The following NOX4 variants were observed in gnomAD, a reference collection of about 807,000 sequenced individuals.
NOX4 encodes NADPH oxidase 4.
In NOX4, 69 loss-of-function variants were observed where a neutral mutation model predicts 87.6. That is an observed-to-expected ratio of 0.79 (90% confidence interval 0.65 to 0.96). NOX4 has a LOEUF of 0.96. NOX4 is among the 40% of genes least tolerant of loss of function. The pLI, the probability that NOX4 is intolerant of heterozygous loss-of-function variation, is 0.00. For missense variants in NOX4, 680 were observed against 681.5 expected (o/e 1.00, Z 0.02); for synonymous variants, 275 against 238.2 (o/e 1.15, Z -1.42).
the NOX4 span, among the ~76,000 whole-genome samples, chr11:89,561,137 C>T: frequency 6.6e-5 from 9 of 135,676 alleles, no homozygotes; most frequent in African/African-American, 2.2e-4. Flanking sequence ...CTCTAGGAAA[C>T]GAATACACCA....
intron 7 of NOX4, among the ~76,000 whole-genome samples, chr11:89,427,086 T>C (rs188767921): frequency 3.3e-5 from 5 of 152,316 alleles, no homozygotes; most frequent in Admixed American, 6.5e-5. Flanking sequence ...TTCTGCAGCC[T>C]GCACTGCTGA....
At chr11:89,395,236 C>T (rs1268083819) in intron 11 of NOX4, among the ~76,000 whole-genome samples, 2 of 152,132 alleles carry the variant, frequency 1.3e-5, no homozygotes, top group South Asian at 2.1e-4. Context: ...TTTTGATTTG[C>T]ATTTCTGTGA....
At chr11:89,494,042 A>C (rs1031384451), upstream of NOX4, among the ~76,000 whole-genome samples, 1 of 152,180 alleles carries the variant, frequency 6.6e-6, no homozygotes, top group Non-Finnish European at 1.5e-5. Context: ...GGCGTGAGCC[A>C]CCGTGCCTGG....
the NOX4 span, among the ~76,000 whole-genome samples, chr11:89,520,989 T>G: frequency 6.6e-6 from 1 of 151,992 alleles, no homozygotes; most frequent in Non-Finnish European, 1.5e-5. Flanking sequence ...AGTAAGGAAG[T>G]GAAAGATCAC....
At chr11:89,371,199 T>C (rs536926962) in intron 12 of NOX4, among the ~76,000 whole-genome samples, 10 of 152,086 alleles carry the variant, frequency 6.6e-5, no homozygotes, top group Admixed American at 1.3e-4. Flanking sequence ...TGAACTAAAG[T>C]GTCAGATAAT....
chr11:89,354,230 T>C (rs2134972718), intron 13 of NOX4, among the ~76,000 whole-genome samples: 1 of 152,318 alleles, frequency 6.6e-6, no homozygotes, highest in African/African-American at 2.4e-5. Flanking sequence ...TTCTTTAGCC[T>C]GTTGCACACT....
chr11:89,439,372 G>T (rs371317148), intron 6 of NOX4, among the ~76,000 whole-genome samples: 1 of 151,946 alleles, frequency 6.6e-6, no homozygotes, highest in African/African-American at 2.4e-5. Context: ...ACTAAATTGT[G>T]TTCCTAAAGA....
the NOX4 span, among the ~76,000 whole-genome samples, chr11:89,566,833 G>A: frequency 6.6e-6 from 1 of 152,146 alleles, no homozygotes; most frequent in African/African-American, 2.4e-5. Flanking sequence ...TCCTTGGAAG[G>A]AGTGAGTTAA....
At chr11:89,502,016 G>A (rs903578307), upstream of NOX4, among the ~76,000 whole-genome samples, 4 of 152,056 alleles carry the variant, frequency 2.6e-5, no homozygotes, top group African/African-American at 4.8e-5. Context: ...TGATGCCAGA[G>A]CACAAGGAGC....
At chr11:89,360,954 T>A (rs1198804578) in intron 12 of NOX4, among the ~76,000 whole-genome samples, 1 of 152,082 alleles carries the variant, frequency 6.6e-6, no homozygotes, top group Admixed American at 6.6e-5. Flanking sequence ...AAACAATAGA[T>A]GTTGGTATGG....
At chr11:89,370,940 C>T (rs868290108) in intron 12 of NOX4, among the ~76,000 whole-genome samples, 8 of 151,866 alleles carry the variant, frequency 5.3e-5, no homozygotes, top group Admixed American at 1.3e-4. Flanking sequence ...CTGTATGCTG[C>T]CAATGCAGAA....
At chr11:89,354,709 A>T (rs535857066) in intron 13 of NOX4, among the ~76,000 whole-genome samples, 2 of 152,320 alleles carry the variant, frequency 1.3e-5, no homozygotes, top group Admixed American at 6.5e-5. Context: ...AGATGCACAC[A>T]GCATGTTGTC....
At chr11:89,393,302 G>C (rs1941252272) in intron 11 of NOX4, among the ~76,000 whole-genome samples, 1 of 152,028 alleles carries the variant, frequency 6.6e-6, no homozygotes. Flanking sequence ...TCCTGATCTA[G>C]TGCAATAATC....
At chr11:89,480,939 C>T (rs892972852) in intron 2 of NOX4, among the ~76,000 whole-genome samples, 1 of 151,948 alleles carries the variant, frequency 6.6e-6, no homozygotes, top group Non-Finnish European at 1.5e-5. Flanking sequence ...ACTAAAATTC[C>T]ACCCAAGAAT....
chr11:89,506,239 G>GAA, the NOX4 span, among the ~76,000 whole-genome samples: 3 of 47,798 alleles, frequency 6.3e-5, no homozygotes, highest in Middle Eastern at 0.015. Flanking sequence ...GAAAGAAAGA[G>GAA]AGAGAGAGAA....
intron 12 of NOX4, among the ~76,000 whole-genome samples, chr11:89,360,893 G>A (rs577555969): frequency 6.6e-6 from 1 of 151,984 alleles, no homozygotes; most frequent in African/African-American, 2.4e-5. Flanking sequence ...TTAAAATCAC[G>A]ATGAGATGCT....
chr11:89,429,807 C>G (rs936065842), intron 7 of NOX4, among the ~76,000 whole-genome samples: 6 of 152,162 alleles, frequency 3.9e-5, no homozygotes, highest in African/African-American at 1.4e-4. Context: ...CCTTCTGAAA[C>G]TATTCCAATC....
At chr11:89,394,033 C>A (rs1250117807) in intron 11 of NOX4, among the ~76,000 whole-genome samples, 3 of 152,120 alleles carry the variant, frequency 2.0e-5, no homozygotes, top group Admixed American at 1.3e-4. Flanking sequence ...CATCTGTTAC[C>A]ATAATCACAT....
chr11:89,499,666 A>G (rs572750125), upstream of NOX4, among the ~76,000 whole-genome samples: 1 of 152,224 alleles, frequency 6.6e-6, no homozygotes, highest in South Asian at 2.1e-4. Context: ...TCTTACTTAT[A>G]TCGATTTAAT....
Sources: allele counts gnomAD v4.1 joint callset (sites outside exome capture counted in the v4.1 genomes callset), GRCh38; gene constraint gnomAD v4.1.1; transcripts MANE v1.5; gene names NCBI Gene and HGNC (gene_info 2026-07-23, HGNC 2026-07-21).